Variants in B4GALT1 observed in about 807,000 individuals in gnomAD.
B4GALT1 encodes beta-1,4-galactosyltransferase 1.
B4GALT1 carries 16 observed loss-of-function variants against 34.9 expected under a neutral mutation model. The observed-to-expected ratio is 0.46, with a 90% CI of 0.31 to 0.70. The LOEUF (loss-of-function observed/expected upper bound fraction) is 0.70, where lower values mean the gene tolerates loss of function less well. Ranked by LOEUF, B4GALT1 falls within the 30% of genes least tolerant of loss-of-function variation. The pLI is 0.05. For synonymous variants in B4GALT1, 221 were observed against 218.1 expected, an observed-to-expected ratio of 1.01 and a Z score of -0.12; for missense variants, 445 against 530.5, an observed-to-expected ratio of 0.84 and a Z score of 1.58.
At chr9:33,140,776 A>G (rs1314320598) in intron 1 of B4GALT1, among the ~76,000 whole-genome samples, 1 of 152,204 alleles carries the variant, frequency 6.6e-6, no homozygotes, top group Non-Finnish European at 1.5e-5. Flanking sequence ...CAATCTTCCA[A>G]AGGCCAGGTG....
intron 1 of B4GALT1, among the ~76,000 whole-genome samples, chr9:33,145,405 A>G (rs1450892250): frequency 6.6e-6 from 1 of 152,158 alleles, no homozygotes; most frequent in Non-Finnish European, 1.5e-5. Flanking sequence ...AAAGTTTTAC[A>G]TGGGTCACAA....
intron 1 of B4GALT1, among the ~76,000 whole-genome samples, chr9:33,164,679 G>A (rs4878526): frequency 0.42 from 64,447 of 152,144 alleles, 15,373 homozygotes; most frequent in Admixed American, 0.56. Flanking sequence ...TCACGACCTT[G>A]TCTCTTACGC....
In B4GALT1 at chr9:33,112,764, A is replaced by T. The variant is rs149481193; in HGVS notation, c.*690T>A. 4.4e-4 allele frequency: 67 copies of T among 153,218 alleles called. No individual in the cohort carries two copies. The highest frequency in any genetic ancestry group is 1.6e-3 in the African/African-American group (66 of 41,578). The allele number at this position is 153,218 out of a possible 1,614,324, so 9.5% of individuals were successfully genotyped here. On this transcript the variant is annotated 3_prime_UTR_variant, in exon 6 of 6. Transcript: ENST00000379731. ...ACTACTATTTAAAAAAAAACACAAC[A>T]ACTTTACATTCAGAAATCAGACAAT...
chr9:33,135,152 C>T, intron 2 of B4GALT1, 37 bp downstream of exon 2: 1 of 1,576,672 alleles, frequency 6.3e-7, no homozygotes, highest in Non-Finnish European at 8.7e-7. Context: ...TCTGCATGCA[C>T]ACACACCCTC....
downstream of B4GALT1, among the ~76,000 whole-genome samples, chr9:33,106,949 GTGACC>G (rs1157645685): frequency 6.6e-6 from 1 of 152,092 alleles, no homozygotes; most frequent in Non-Finnish European, 1.5e-5. Flanking sequence ...TCCCTGCCTG[GTGACC>G]TGGCACTCAC....
At chr9:33,129,965 G>A (rs1022255534) in intron 2 of B4GALT1, among the ~76,000 whole-genome samples, 6 of 152,180 alleles carry the variant, frequency 3.9e-5, no homozygotes, top group East Asian at 1.9e-4. Context: ...CATTTAGACC[G>A]TTGCCTGTAG....
intron 1 of B4GALT1, among the ~76,000 whole-genome samples, chr9:33,138,160 A>T (rs1205467638): frequency 6.6e-6 from 1 of 152,186 alleles, no homozygotes; most frequent in Admixed American, 6.5e-5. Flanking sequence ...TGCAGGCTGG[A>T]AAGTGTCCTG....
At chr9:33,141,261 T>A (rs1237865971) in intron 1 of B4GALT1, among the ~76,000 whole-genome samples, 1 of 152,004 alleles carries the variant, frequency 6.6e-6, no homozygotes, top group Non-Finnish European at 1.5e-5. Context: ...TCCCAGCACT[T>A]TGGGAGGCTG....
the B4GALT1 span, chr9:33,179,894 T>G: frequency 7.9e-5 from 12 of 152,390 alleles, no homozygotes; most frequent in Admixed American, 6.5e-4. Flanking sequence ...TAAAGGAGCA[T>G]CTGCATTAAG....
intron 1 of B4GALT1, among the ~76,000 whole-genome samples, chr9:33,162,536 A>T (rs1840689495): frequency 6.6e-6 from 1 of 152,226 alleles, no homozygotes; most frequent in East Asian, 1.9e-4. Flanking sequence ...GACCCTTCAG[A>T]TGGACCAAAA....
chr9:33,180,245 T>G, the B4GALT1 span, among the ~76,000 whole-genome samples: 1 of 152,298 alleles, frequency 6.6e-6, no homozygotes, highest in East Asian at 1.9e-4. Flanking sequence ...GTTCCTTCCC[T>G]GTCCCGATTA....
chr9:33,132,643 G>A (rs1189028855), intron 2 of B4GALT1, among the ~76,000 whole-genome samples: 1 of 152,156 alleles, frequency 6.6e-6, no homozygotes, highest in African/African-American at 2.4e-5. Flanking sequence ...AGCTGGCAGA[G>A]GACATTCAGA....
chr9:33,110,983 C>T lies in B4GALT1; in HGVS notation c.*2471G>A, dbSNP rs749777226. 1.3e-5 allele frequency: 2 copies of T among 152,268 alleles called. No individual in the cohort carries two copies. The highest frequency in any genetic ancestry group is 4.8e-5 in the African/African-American group (2 of 41,422). 9.4% of individuals were successfully genotyped at this position (152,268 alleles called of 1,614,324 possible). A position where few individuals can be genotyped will look rare whatever the true frequency, so the allele number is the denominator to read the frequency against. On this transcript the variant is annotated 3_prime_UTR_variant, in exon 6 of 6. Transcript: ENST00000379731. ...TCACCAGCAATAGGATACACAGAAA[C>T]AGAAAAGGGCACGGCACATGACAAC...
At chr9:33,123,626 T>G (rs1211051943) in intron 2 of B4GALT1, among the ~76,000 whole-genome samples, 1 of 152,196 alleles carries the variant, frequency 6.6e-6, no homozygotes, top group African/African-American at 2.4e-5. Context: ...CCCCAACAAC[T>G]GCAGCAGAGG....
chr9:33,148,057 T>C (rs1587744270), intron 1 of B4GALT1, among the ~76,000 whole-genome samples: 1 of 151,766 alleles, frequency 6.6e-6, no homozygotes, highest in South Asian at 2.1e-4. Context: ...TGTAAATAAA[T>C]AAGTAAATAA....
upstream of B4GALT1, chr9:33,167,381 G>A: frequency 2.1e-6 from 1 of 477,766 alleles, no homozygotes. Flanking sequence ...GAGGGGCGGG[G>A]CCCCGGCGAA....
chr9:33,133,503 T>C (rs898652850), intron 2 of B4GALT1, among the ~76,000 whole-genome samples: 7 of 152,232 alleles, frequency 4.6e-5, no homozygotes, highest in Non-Finnish European at 1.0e-4. Flanking sequence ...ATGTGCTAAC[T>C]GGCATCAGAC....
downstream of B4GALT1, among the ~76,000 whole-genome samples, chr9:33,106,314 C>A (rs60325401): frequency 6.6e-6 from 1 of 152,182 alleles, no homozygotes; most frequent in Admixed American, 6.5e-5. Context: ...GATGGCCCAG[C>A]TGAAAGAAGC....
At chr9:33,144,128 C>T (rs1223153670) in intron 1 of B4GALT1, among the ~76,000 whole-genome samples, 1 of 152,202 alleles carries the variant, frequency 6.6e-6, no homozygotes, top group East Asian at 1.9e-4. Flanking sequence ...AAGAGATTTT[C>T]CTGTCTTGGC....
Sources: gnomAD v4.1 joint callset for allele counts (sites outside exome capture counted in the v4.1 genomes callset) on GRCh38, gnomAD v4.1.1 for gene constraint, MANE v1.5 for transcripts, NCBI Gene and HGNC (gene_info 2026-07-23, HGNC 2026-07-21) for gene names.